The following CSMD1 variants were observed in gnomAD, a reference collection of about 807,000 sequenced individuals.
CSMD1 encodes CUB and Sushi multiple domains 1.
In CSMD1, 213 loss-of-function variants were observed where a neutral mutation model predicts 417.5. The observed-to-expected ratio is 0.51, with a 90% CI of 0.46 to 0.57. The LOEUF is 0.57. CSMD1 is among the 20% of genes least tolerant of loss of function. The pLI is 0.00. For synonymous variants in CSMD1, 2,862 were observed against 1,736.8 expected (o/e 1.65, Z -16.11); for missense variants, 6,923 against 4,529.7 (o/e 1.53, Z -15.17).
At chr8:3,372,379 C>A (rs1005498411) in intron 18 of CSMD1, among the ~76,000 whole-genome samples, 4 of 152,062 alleles carry the variant, frequency 2.6e-5, no homozygotes, top group Non-Finnish European at 4.4e-5. Flanking sequence ...CTGGATGGCC[C>A]TGCCTAGAAA....
chr8:4,610,741 A>G (rs551080164), intron 2 of CSMD1, among the ~76,000 whole-genome samples: 1 of 152,202 alleles, frequency 6.6e-6, no homozygotes, highest in Non-Finnish European at 1.5e-5. Context: ...CTTCATGACT[A>G]CACTGCCAAT....
At chr8:4,510,993 T>A (rs911179445) in intron 2 of CSMD1, among the ~76,000 whole-genome samples, 6 of 151,982 alleles carry the variant, frequency 3.9e-5, no homozygotes, top group African/African-American at 1.5e-4. Context: ...CTCTAAGGAA[T>A]GATTCAAAGT....
intron 3 of CSMD1, among the ~76,000 whole-genome samples, chr8:4,200,756 G>A (rs1024779904): frequency 1.3e-5 from 2 of 152,114 alleles, no homozygotes; most frequent in African/African-American, 2.4e-5. Flanking sequence ...CAACTACTCT[G>A]GCGACTGAGA....
At chr8:4,745,097 G>A (rs903211564) in intron 1 of CSMD1, among the ~76,000 whole-genome samples, 2 of 152,038 alleles carry the variant, frequency 1.3e-5, no homozygotes, top group African/African-American at 4.8e-5. Context: ...AAATGCGTAA[G>A]AATGGCATGT....
chr8:3,270,812 T>C (rs1032336510), intron 26 of CSMD1, among the ~76,000 whole-genome samples: 3 of 152,248 alleles, frequency 2.0e-5, no homozygotes, highest in Non-Finnish European at 4.4e-5. Flanking sequence ...CTGGGTAATT[T>C]ATAAAGAAAA....
At chr8:4,603,429 C>T (rs1187353645) in intron 2 of CSMD1, among the ~76,000 whole-genome samples, 3 of 152,000 alleles carry the variant, frequency 2.0e-5, no homozygotes, top group Non-Finnish European at 4.4e-5. Context: ...TTTAAAACTC[C>T]ATTCAGAATG....
At chr8:4,710,847 A>T (rs1808246373) in intron 1 of CSMD1, among the ~76,000 whole-genome samples, 1 of 151,596 alleles carries the variant, frequency 6.6e-6, no homozygotes, top group African/African-American at 2.4e-5. Context: ...TCTGTCTCAA[A>T]AATAATAATA....
At chr8:4,323,900 G>C (rs1013396930) in intron 3 of CSMD1, among the ~76,000 whole-genome samples, 6 of 152,104 alleles carry the variant, frequency 3.9e-5, no homozygotes, top group African/African-American at 1.4e-4. Flanking sequence ...TTGAGTCTTG[G>C]AGTTCTGAGC....
rs538456342 is a variant in CSMD1, at chr8:4,886,782, T to A, written c.85+107550A>T. ...ATTTATTTTACCAGATTTGTTGGCA[T>A]AAATTTATTCTTAAAATATTTTTAT... On this transcript the variant is annotated intron_variant, in intron 1 of 69. Coordinates refer to ENST00000635120, the MANE Select transcript of CSMD1 (RefSeq NM_033225.6). Among the ~76,000 whole-genome samples, 237 of 152,210 alleles carry A rather than the reference T, an allele frequency of 1.6e-3. 4 individuals are homozygous for A. Among genetic ancestry groups the A allele is most frequent in the African/African-American group, 5.6e-3 (234 of 41,520 alleles).
chr8:4,495,637 C>A (rs981365815), intron 2 of CSMD1, among the ~76,000 whole-genome samples: 2 of 151,902 alleles, frequency 1.3e-5, no homozygotes, highest in Non-Finnish European at 2.9e-5. Flanking sequence ...TGCTGCAGAC[C>A]TTGTGGAAGA....
chr8:4,083,365 G>C (rs144896550), intron 3 of CSMD1, among the ~76,000 whole-genome samples: 29 of 152,294 alleles, frequency 1.9e-4, no homozygotes, highest in African/African-American at 6.3e-4. Context: ...CTGATGGCCA[G>C]TGATGGTGAG....
At chr8:3,948,099 C>T (rs937212864) in intron 5 of CSMD1, among the ~76,000 whole-genome samples, 16 of 151,866 alleles carry the variant, frequency 1.1e-4, no homozygotes, top group East Asian at 3.9e-4. Context: ...CCAGCTACTC[C>T]GGAGGATGAG....
At chr8:4,860,430 G>A (rs1293746393) in intron 1 of CSMD1, among the ~76,000 whole-genome samples, 1 of 151,428 alleles carries the variant, frequency 6.6e-6, no homozygotes, top group Non-Finnish European at 1.5e-5. Context: ...AAAAGTGTGT[G>A]CCACTCCACC....
chr8:4,173,486 C>T (rs957317906), intron 3 of CSMD1, among the ~76,000 whole-genome samples: 5 of 152,024 alleles, frequency 3.3e-5, no homozygotes, highest in African/African-American at 1.2e-4. Context: ...GATCTAGAGA[C>T]ACAGCTAAGT....
intron 3 of CSMD1, among the ~76,000 whole-genome samples, chr8:4,295,202 T>G: frequency 1.4e-5 from 1 of 73,882 alleles, no homozygotes; most frequent in Non-Finnish European, 2.9e-5. Flanking sequence ...GCACATATAA[T>G]CTTAAGATTT....
chr8:4,756,030 T>C (rs927685730), intron 1 of CSMD1, among the ~76,000 whole-genome samples: 16 of 152,216 alleles, frequency 1.1e-4, no homozygotes, highest in Non-Finnish European at 2.2e-4. Context: ...AATTGTTTAG[T>C]TCACAAATAC....
chr8:4,543,519 G>T (rs75709801), intron 2 of CSMD1, among the ~76,000 whole-genome samples: 6,976 of 151,988 alleles, frequency 0.046, 257 homozygotes, highest in African/African-American at 0.1. Flanking sequence ...ATGGACCACA[G>T]TTTATACATT....
chr8:3,439,982 C>T (rs930860900), intron 12 of CSMD1, among the ~76,000 whole-genome samples: 1 of 152,140 alleles, frequency 6.6e-6, no homozygotes, highest in Non-Finnish European at 1.5e-5. Context: ...GGGTTTATTC[C>T]TGGGCTTTCT....
intron 3 of CSMD1, among the ~76,000 whole-genome samples, chr8:4,147,570 T>C (rs1464999997): frequency 6.6e-6 from 1 of 152,214 alleles, no homozygotes; most frequent in Non-Finnish European, 1.5e-5. Context: ...TGTTTCTGGA[T>C]AATGATAATG....
Sources: gnomAD v4.1 joint callset for allele counts (sites outside exome capture counted in the v4.1 genomes callset) on GRCh38, gnomAD v4.1.1 for gene constraint, MANE v1.5 for transcripts, NCBI Gene and HGNC (gene_info 2026-07-23, HGNC 2026-07-21) for gene names.